Variants in TYW1 observed in about 807,000 individuals in gnomAD.
The protein encoded by TYW1 is S-adenosyl-L-methionine-dependent tRNA 4-demethylwyosine synthase TYW1.
TYW1 carries 46 observed loss-of-function variants against 96.2 expected under a neutral mutation model. The ratio of observed to expected loss-of-function variants is 0.48; its 90% CI spans 0.38 to 0.61. TYW1 has a LOEUF of 0.61. Ranked by LOEUF, TYW1 falls within the 20% of genes least tolerant of loss-of-function variation. TYW1 has a pLI of 0.00. For missense variants in TYW1, 684 were observed against 909.6 expected (o/e 0.75, Z 3.19); for synonymous variants, 274 against 323.0 (o/e 0.85, Z 1.63).
At chr7:67,002,081 T>C (rs1169099961) in intron 3 of TYW1, among the ~76,000 whole-genome samples, 1 of 150,644 alleles carries the variant, frequency 6.6e-6, no homozygotes, top group Non-Finnish European at 1.5e-5. Flanking sequence ...AGGGTCTTGC[T>C]CTGTTACCCA....
At chr7:67,166,333 A>ATATATAATATATAT (rs1563051222) in intron 13 of TYW1, among the ~76,000 whole-genome samples, 1 of 126,694 alleles carries the variant, frequency 7.9e-6, no homozygotes, top group Non-Finnish European at 1.7e-5. Context: ...AACATATATA[A>ATATATAATATATAT]TATATATAAT....
At chr7:67,107,357 A>G (rs1050558486) in intron 12 of TYW1, among the ~76,000 whole-genome samples, 1 of 152,176 alleles carries the variant, frequency 6.6e-6, no homozygotes, top group Non-Finnish European at 1.5e-5. Context: ...TTTGCACTAA[A>G]CATATGAAGT....
intron 15 of TYW1, among the ~76,000 whole-genome samples, chr7:67,236,438 C>T (rs1460685488): frequency 1.3e-5 from 2 of 152,178 alleles, no homozygotes; most frequent in Non-Finnish European, 1.5e-5. Context: ...AAGTGCTGCC[C>T]AGGGAGAATC....
At chr7:67,094,419 A>C (rs1341210010) in intron 11 of TYW1, among the ~76,000 whole-genome samples, 1 of 152,082 alleles carries the variant, frequency 6.6e-6, no homozygotes, top group Non-Finnish European at 1.5e-5. Context: ...TCTTTGAGAA[A>C]TCTCTCTATA....
intron 12 of TYW1, among the ~76,000 whole-genome samples, chr7:67,115,240 C>CTTTT (rs61078524): frequency 7.4e-6 from 1 of 134,888 alleles, no homozygotes. Flanking sequence ...TAAGACAGTC[C>CTTTT]TTTTTTTTTT....
intron 13 of TYW1, among the ~76,000 whole-genome samples, chr7:67,177,002 G>A (rs924357961): frequency 7.2e-5 from 11 of 152,102 alleles, no homozygotes; most frequent in African/African-American, 2.2e-4. Flanking sequence ...GTTGAGAACC[G>A]TCTCTATTGG....
chr7:67,228,822 G>A lies in TYW1; in HGVS notation c.1978-9486G>A, dbSNP rs1424153651. Among the ~76,000 whole-genome samples, 6 of 152,184 alleles carry A rather than the reference G, an allele frequency of 3.9e-5. No individual in the cohort carries two copies. The East Asian group carries it at 7.7e-4, about 19-fold the overall frequency. On this transcript the variant is annotated intron_variant, in intron 15 of 15. Transcript: ENST00000359626. Reference sequence around the variant, plus strand: ...TTGAGACAGTGGCTGGGGGCCAGCCGAATGATACAAGTTTTTTCTTTGTGA... The same window carrying A: ...TTGAGACAGTGGCTGGGGGCCAGCCAAATGATACAAGTTTTTTCTTTGTGA...
intron 5 of TYW1, 81 bp downstream of exon 5, chr7:67,014,642 C>A: frequency 6.8e-7 from 1 of 1,461,754 alleles, no homozygotes; most frequent in Non-Finnish European, 9.2e-7. Flanking sequence ...CACACACGTG[C>A]ACACACGCAC....
chr7:67,035,902 T>C (rs1470582313), intron 7 of TYW1, among the ~76,000 whole-genome samples: 5 of 151,364 alleles, frequency 3.3e-5, no homozygotes, highest in African/African-American at 7.3e-5. Flanking sequence ...TGGTCCCGAT[T>C]TGCTGATCTT....
intron 13 of TYW1, among the ~76,000 whole-genome samples, chr7:67,166,145 G>A (rs1335921101): frequency 6.6e-6 from 1 of 150,970 alleles, no homozygotes; most frequent in East Asian, 1.9e-4. Flanking sequence ...TACTCAGGAG[G>A]CTGAGGTAGG....
chr7:67,155,619 C>T (rs1798944649), intron 13 of TYW1, among the ~76,000 whole-genome samples: 1 of 151,660 alleles, frequency 6.6e-6, no homozygotes, highest in African/African-American at 2.4e-5. Context: ...GTGGCGCGAT[C>T]TCAATATCAG....
intron 11 of TYW1, among the ~76,000 whole-genome samples, chr7:67,092,277 C>G (rs1796745920): frequency 6.6e-6 from 1 of 152,156 alleles, no homozygotes; most frequent in African/African-American, 2.4e-5. Context: ...TTGGTCCAAG[C>G]CACCATTTCC....
At chr7:67,213,032 C>T (rs2421424) in intron 15 of TYW1, among the ~76,000 whole-genome samples, 40,523 of 151,770 alleles carry the variant, frequency 0.27, 5,721 homozygotes, top group African/African-American at 0.36. Context: ...CCACCACACC[C>T]AGCTAATTTT....
At chr7:66,997,719 C>T (rs1319750150) in intron 1 of TYW1, among the ~76,000 whole-genome samples, 1 of 150,288 alleles carries the variant, frequency 6.7e-6, no homozygotes, top group African/African-American at 2.4e-5. Flanking sequence ...ACTTCTCCCT[C>T]CCAGGTTCAA....
rs545122621 is a variant in TYW1, at chr7:67,064,573, C to T, written c.1156-2712C>T. Among the ~76,000 whole-genome samples the T allele has an allele frequency of 4.6e-5, 7 of 152,270 alleles. No homozygotes were observed. The South Asian group carries it at 1.4e-3, about 32-fold the overall frequency. ...GGCAGGAGGCAAAAGGCACTTTTTA[C>T]ATGGTGGTGGCAAGAGAAAATGAAG... On this transcript the variant is annotated intron_variant, in intron 9 of 15. Coordinates refer to ENST00000359626, the MANE Select transcript of TYW1 (RefSeq NM_018264.4).
chr7:67,235,940 C>T (rs1801873519), intron 15 of TYW1, among the ~76,000 whole-genome samples: 2 of 149,690 alleles, frequency 1.3e-5, no homozygotes, highest in South Asian at 4.3e-4. Context: ...AAGACTGGGC[C>T]CTCGCATGTC....
chr7:67,170,613 A>G (rs146847586), intron 13 of TYW1, among the ~76,000 whole-genome samples: 1 of 152,124 alleles, frequency 6.6e-6, no homozygotes, highest in Non-Finnish European at 1.5e-5. Context: ...GTTCCTAAAC[A>G]TTTTTATTAC....
chr7:67,008,876 G>A (rs1793692495), intron 3 of TYW1, among the ~76,000 whole-genome samples: 1 of 152,024 alleles, frequency 6.6e-6, no homozygotes, highest in African/African-American at 2.4e-5. Context: ...TGGTCAGGCT[G>A]GTCTCGCATT....
In TYW1 at chr7:67,130,461, C is replaced by T. The variant is rs552860876; in HGVS notation, c.1698+12843C>T. On this transcript the variant is annotated intron_variant, in intron 13 of 15. Coordinates refer to ENST00000359626, the MANE Select transcript of TYW1 (RefSeq NM_018264.4). ...GACTGAGGTGGGTGGATCACGAGTTCAGGAGGTCGAGACCATCCTGGCTAA... is the reference window on the plus strand; with the variant it reads ...GACTGAGGTGGGTGGATCACGAGTTTAGGAGGTCGAGACCATCCTGGCTAA... Among the ~76,000 whole-genome samples the T allele has an allele frequency of 9.2e-5, 14 of 151,932 alleles. 1 individual carries two copies. The South Asian group carries it at 1.9e-3, about 20-fold the overall frequency.
Sources: allele counts gnomAD v4.1 joint callset (sites outside exome capture counted in the v4.1 genomes callset), GRCh38; gene constraint gnomAD v4.1.1; transcripts MANE v1.5; gene names NCBI Gene and HGNC (gene_info 2026-07-23, HGNC 2026-07-21).